Variants in TTC7A observed in about 807,000 individuals in gnomAD.
TTC7A encodes tetratricopeptide repeat domain 7A, also known as tetratricopeptide repeat protein 7A.
Under a neutral mutation model 103.7 loss-of-function variants are expected in TTC7A, and 110 were observed. That is an observed-to-expected ratio of 1.06 (90% CI 0.91 to 1.24). The LOEUF is 1.24. Among genes scored for constraint, TTC7A ranks in the 50% most tolerant of loss-of-function variants. TTC7A has a pLI of 0.00. For missense variants in TTC7A, 1,340 were observed against 1,116.3 expected (o/e 1.20, Z -2.86); for synonymous variants, 521 against 467.9 (o/e 1.11, Z -1.47).
chr2:47,067,634 C>G (rs1286543507), intron 19 of TTC7A, among the ~76,000 whole-genome samples: 1 of 152,202 alleles, frequency 6.6e-6, no homozygotes, highest in Non-Finnish European at 1.5e-5. Context: ...TTCATCTGAC[C>G]TGGACCTGAG....
chr2:46,962,012 C>G (rs1045311898), intron 3 of TTC7A, among the ~76,000 whole-genome samples: 1 of 152,226 alleles, frequency 6.6e-6, no homozygotes, highest in African/African-American at 2.4e-5. Context: ...GCATTTGACT[C>G]CATGTGCTCA....
At chr2:46,983,505 C>T (rs1240943317) in intron 5 of TTC7A, among the ~76,000 whole-genome samples, 2 of 152,178 alleles carry the variant, frequency 1.3e-5, no homozygotes, top group Non-Finnish European at 2.9e-5. Context: ...AGGGATGAGT[C>T]TGGGGGACCC....
chr2:47,024,521 A>G (rs1394129752), intron 14 of TTC7A, among the ~76,000 whole-genome samples, 162 bp downstream of exon 14: 1 of 152,126 alleles, frequency 6.6e-6, no homozygotes. Context: ...CAGAGGGGCC[A>G]GTAAGGATGA....
At chr2:46,998,361 C>T (rs1443889552) in intron 8 of TTC7A, among the ~76,000 whole-genome samples, 1 of 152,162 alleles carries the variant, frequency 6.6e-6, no homozygotes, top group Non-Finnish European at 1.5e-5. Flanking sequence ...GCCAGACCTG[C>T]CTTTTCTCCT....
chr2:46,998,019 A>G (rs1676393080), intron 8 of TTC7A, among the ~76,000 whole-genome samples: 1 of 152,018 alleles, frequency 6.6e-6, no homozygotes. Flanking sequence ...TTTGTAAGAC[A>G]GTGTGGCTGG....
intron 15 of TTC7A, among the ~76,000 whole-genome samples, chr2:47,037,458 G>A (rs1026925872): frequency 6.6e-6 from 1 of 152,180 alleles, no homozygotes. Flanking sequence ...TTTTGGTTTG[G>A]TTGCTCTGTT....
rs751311194 is a variant in TTC7A, at chr2:47,046,432, G to T, written c.1919+1G>T. ...CCCTGTACAGCTTCTCCCAGCTGGG[G>T]TGAGTGGCCGTCATTGTCTCTTGGG... On this transcript the variant is annotated splice_donor_variant, in intron 16 of 19. Transcript: ENST00000319190. LOFTEE classifies it high-confidence loss of function. The T allele has an allele frequency of 1.2e-6, 2 of 1,612,928 alleles. No homozygotes were observed. Among genetic ancestry groups the T allele is most frequent in the Non-Finnish European group, 1.7e-6 (2 of 1,178,948 alleles).
chr2:46,938,861 A>G (rs1572663252), upstream of TTC7A, among the ~76,000 whole-genome samples: 1 of 152,160 alleles, frequency 6.6e-6, no homozygotes, highest in Admixed American at 6.5e-5. Context: ...AAATACAAAA[A>G]TTAGCTGAGC....
At chr2:46,974,493 G>C (rs1174137913) in intron 3 of TTC7A, 1 of 359,684 alleles carries the variant, frequency 2.8e-6, no homozygotes, top group African/African-American at 2.1e-5. Flanking sequence ...CTCCTGGTGG[G>C]AAAGTTCTGG....
intron 11 of TTC7A, among the ~76,000 whole-genome samples, chr2:47,015,015 G>C (rs1024703670): frequency 6.6e-6 from 1 of 152,244 alleles, no homozygotes; most frequent in Non-Finnish European, 1.5e-5. Context: ...GCTGATTCGG[G>C]GGTTTGCACC....
intron 18 of TTC7A, among the ~76,000 whole-genome samples, chr2:47,053,303 A>G (rs1299089566): frequency 2.6e-5 from 4 of 152,176 alleles, no homozygotes; most frequent in Non-Finnish European, 4.4e-5. Context: ...GTCTTCTAAG[A>G]TTCTAATGAC....
chr2:46,970,716 G>C (rs773223681), intron 3 of TTC7A, among the ~76,000 whole-genome samples: 1 of 152,220 alleles, frequency 6.6e-6, no homozygotes, highest in Non-Finnish European at 1.5e-5. Context: ...GGGAGCAGGG[G>C]CTGGCCTAGC....
rs35753980 is a variant in TTC7A, at chr2:47,059,009, C to CTTTTTTTTTTTTT, written c.2153-1742_2153-1730dup. 3.8e-4 allele frequency among the ~76,000 whole-genome samples: 17 copies of CTTTTTTTTTTTTT among 44,718 alleles called. 3 individuals are homozygous for CTTTTTTTTTTTTT. The highest frequency in any genetic ancestry group is 1.9e-3 in the African/African-American group (16 of 8,318). 29.3% of individuals were successfully genotyped at this position (44,718 alleles called of 152,430 possible). A position where few individuals can be genotyped will look rare whatever the true frequency, so the allele number is the denominator to read the frequency against. ...GTGGGGTCCTCACCTCCTAAGCCTG[C>CTTTTTTTTTTTTT]TTTTTTTTTTTTTTTTTTTTTTTTT... On this transcript the variant is annotated intron_variant, in intron 18 of 19. Coordinates refer to ENST00000319190, the MANE Select transcript of TTC7A (RefSeq NM_020458.4).
intron 3 of TTC7A, among the ~76,000 whole-genome samples, chr2:46,963,812 CA>C (rs1416544542): frequency 6.6e-6 from 1 of 152,158 alleles, no homozygotes; most frequent in Non-Finnish European, 1.5e-5. Flanking sequence ...ATGGCACCCA[CA>C]AACTCAGAAG....
At chr2:46,942,891 T>C (rs1670566502) in intron 1 of TTC7A, among the ~76,000 whole-genome samples, 2 of 151,608 alleles carry the variant, frequency 1.3e-5, no homozygotes, top group Admixed American at 1.3e-4. Flanking sequence ...TTTTTGTTTT[T>C]GTTTTTGTTT....
At chr2:47,060,187 A>G (rs916474312) in intron 18 of TTC7A, among the ~76,000 whole-genome samples, 5 of 151,784 alleles carry the variant, frequency 3.3e-5, no homozygotes, top group African/African-American at 1.2e-4. Context: ...GGAGTTCGAG[A>G]CCAGCCTGAG....
At chr2:47,006,194 T>C in intron 9 of TTC7A, 135 bp downstream of exon 9, 5 of 1,222,242 alleles carry the variant, frequency 4.1e-6, no homozygotes, top group African/African-American at 1.5e-5. Context: ...CTCGGCAAGT[T>C]GTACAAGTCT....
chr2:47,024,089 C>G (rs1572942893), intron 13 of TTC7A, among the ~76,000 whole-genome samples, 198 bp from the exon 14 acceptor site: 1 of 152,198 alleles, frequency 6.6e-6, no homozygotes, highest in African/African-American at 2.4e-5. Flanking sequence ...GCCCACCGTC[C>G]CTGCCTTGGG....
At chr2:46,969,890 A>C (rs577919613) in intron 3 of TTC7A, among the ~76,000 whole-genome samples, 2 of 152,324 alleles carry the variant, frequency 1.3e-5, no homozygotes, top group Non-Finnish European at 2.9e-5. Context: ...ATGCAGGAAA[A>C]AGGCACATAC....
Sources: gnomAD v4.1 joint callset for allele counts (sites outside exome capture counted in the v4.1 genomes callset) on GRCh38, gnomAD v4.1.1 for gene constraint, MANE v1.5 for transcripts, NCBI Gene and HGNC (gene_info 2026-07-23, HGNC 2026-07-21) for gene names.